Variants in ADAMTS12 observed in about 807,000 individuals in gnomAD.
ADAMTS12 encodes ADAM metallopeptidase with thrombospondin type 1 motif 12.
ADAMTS12 carries 118 observed loss-of-function variants against 167.8 expected under a neutral mutation model. The ratio of observed to expected loss-of-function variants is 0.70; its 90% confidence interval spans 0.61 to 0.82. ADAMTS12 has a LOEUF of 0.82. Among genes scored for constraint, ADAMTS12 ranks in the 40% least tolerant of loss-of-function variants. ADAMTS12 has a pLI of 0.00. For synonymous variants in ADAMTS12, 704 were observed against 716.9 expected, an observed-to-expected ratio of 0.98 and a Z score of 0.29; for missense variants, 1,916 against 1,998.8, an observed-to-expected ratio of 0.96 and a Z score of 0.79.
intron 2 of ADAMTS12, among the ~76,000 whole-genome samples, chr5:33,766,007 T>A (rs1439544828): frequency 1.3e-5 from 2 of 152,184 alleles, no homozygotes; most frequent in African/African-American, 4.8e-5. Flanking sequence ...CTGCCTATAC[T>A]TCTTAAGTCT....
At chr5:33,703,739 G>C (rs1430765133) in intron 3 of ADAMTS12, among the ~76,000 whole-genome samples, 1 of 152,076 alleles carries the variant, frequency 6.6e-6, no homozygotes, top group Non-Finnish European at 1.5e-5. Context: ...CCTTTCCTCA[G>C]TTTTAAGGGT....
chr5:33,559,620 C>T (rs1384415548), intron 20 of ADAMTS12, among the ~76,000 whole-genome samples: 1 of 152,200 alleles, frequency 6.6e-6, no homozygotes, highest in African/African-American at 2.4e-5. Flanking sequence ...GTGGCTTACG[C>T]CTGCAATCTC....
chr5:33,839,461 A>C (rs1287121105), intron 2 of ADAMTS12, among the ~76,000 whole-genome samples: 3 of 152,168 alleles, frequency 2.0e-5, no homozygotes, highest in African/African-American at 7.2e-5. Context: ...ACATCTGTGC[A>C]TTACTAAGTC....
intron 13 of ADAMTS12, 93 bp downstream of exon 13, chr5:33,630,687 G>C: frequency 7.3e-7 from 1 of 1,370,412 alleles, no homozygotes; most frequent in Non-Finnish European, 1.0e-6. Context: ...AGGTGTAAAT[G>C]CTGTGAAAGC....
chr5:33,564,529 A>C (rs1745914426), intron 19 of ADAMTS12, among the ~76,000 whole-genome samples: 1 of 152,138 alleles, frequency 6.6e-6, no homozygotes, highest in Non-Finnish European at 1.5e-5. Flanking sequence ...TTGGAGGATG[A>C]ATTTGGCAGT....
chr5:33,625,875 T>A (rs1428919671), intron 13 of ADAMTS12, among the ~76,000 whole-genome samples: 9 of 152,182 alleles, frequency 5.9e-5, no homozygotes, highest in Admixed American at 5.9e-4. Context: ...CCAGTCCTCC[T>A]TGTTGCATAT....
At chr5:33,803,117 GATAAGGTACAT>G in intron 2 of ADAMTS12, among the ~76,000 whole-genome samples, 1 of 152,256 alleles carries the variant, frequency 6.6e-6, no homozygotes, top group South Asian at 2.1e-4. Flanking sequence ...ACTCATACAT[GATAAGGTACAT>G]GGATCCAGGG....
intron 2 of ADAMTS12, among the ~76,000 whole-genome samples, chr5:33,815,940 C>G (rs1376772925): frequency 6.6e-6 from 1 of 152,192 alleles, no homozygotes; most frequent in Non-Finnish European, 1.5e-5. Flanking sequence ...CCTGTGCTCT[C>G]TCATGGGTCC....
At chr5:33,840,311 C>A (rs1027285095) in intron 2 of ADAMTS12, 2 of 152,214 alleles carry the variant, frequency 1.3e-5, no homozygotes, top group Admixed American at 6.5e-5. Flanking sequence ...TATTCAAATT[C>A]TTTTCTCCTT....
chr5:33,668,230 T>C (rs993125436), intron 5 of ADAMTS12, among the ~76,000 whole-genome samples: 2 of 152,302 alleles, frequency 1.3e-5, no homozygotes, highest in Middle Eastern at 3.4e-3. Flanking sequence ...AATCATCTCA[T>C]ACAAAGCCTA....
intron 3 of ADAMTS12, among the ~76,000 whole-genome samples, chr5:33,701,187 G>C (rs551055159): frequency 6.6e-6 from 1 of 152,278 alleles, no homozygotes; most frequent in South Asian, 2.1e-4. Flanking sequence ...AATACAATTA[G>C]CCTATGAAAG....
At chr5:33,846,924 T>G (rs1748967895) in intron 2 of ADAMTS12, among the ~76,000 whole-genome samples, 2 of 152,232 alleles carry the variant, frequency 1.3e-5, no homozygotes, top group Admixed American at 1.3e-4. Flanking sequence ...GCAATATTGC[T>G]TCTTTCTTCT....
At chr5:33,667,300 A>G (rs1171467924) in intron 5 of ADAMTS12, among the ~76,000 whole-genome samples, 3 of 133,068 alleles carry the variant, frequency 2.3e-5, no homozygotes, top group Non-Finnish European at 4.7e-5. Flanking sequence ...CCTGGGCAAC[A>G]GAGTGAGACT....
At position 33,658,213 on chromosome 5, in the gene ADAMTS12, A is replaced by G; in HGVS notation, c.1161T>C (p.Ala387=). ...GTCCTAGCTCATGGGCAATTGTGAA[A>G]GCCAGAGGGAGTCCCGAATCTTCAT... ...NINEDSGLPL[A]FTIAHELGHS... is the part of the protein sequence containing the mutation. Residue 387 remains alanine, a synonymous_variant, in exon 7 of 24, where the codon GCT becomes GCC. Transcript: ENST00000504830. 6.2e-7 allele frequency: 1 copy of G among 1,613,640 alleles called. No individual in the cohort carries two copies. The highest frequency in any genetic ancestry group is 8.5e-7 in the Non-Finnish European group (1 of 1,179,650).
At chr5:33,738,509 G>A (rs961396614) in intron 3 of ADAMTS12, among the ~76,000 whole-genome samples, 11 of 152,210 alleles carry the variant, frequency 7.2e-5, no homozygotes, top group African/African-American at 2.7e-4. Flanking sequence ...AAGAGCTAAT[G>A]AGAAATGGCT....
intron 7 of ADAMTS12, among the ~76,000 whole-genome samples, chr5:33,655,628 T>TAATTTAATTTAATTTAATTTAATTTA (rs70964409): frequency 4.8e-5 from 7 of 145,700 alleles, no homozygotes; most frequent in South Asian, 4.4e-4. Context: ...TAGTTTTATT[T>TAATTTAATTTAATTTAATTTAATTTA]ATTTAATTTA....
At chr5:33,580,339 G>A (rs1324867924) in intron 18 of ADAMTS12, among the ~76,000 whole-genome samples, 1 of 151,682 alleles carries the variant, frequency 6.6e-6, no homozygotes, top group African/African-American at 2.4e-5. Flanking sequence ...CATGGCGGCA[G>A]GAGAGACAAG....
chr5:33,852,498 G>C (rs754080728), intron 2 of ADAMTS12, among the ~76,000 whole-genome samples: 11 of 152,152 alleles, frequency 7.2e-5, no homozygotes, highest in Non-Finnish European at 1.6e-4. Context: ...TGGGTAAAGG[G>C]AGGAATCAGT....
intron 1 of ADAMTS12, among the ~76,000 whole-genome samples, chr5:33,881,834 A>G (rs1750460518): frequency 6.6e-6 from 1 of 151,576 alleles, no homozygotes; most frequent in Non-Finnish European, 1.5e-5. Flanking sequence ...CTGCCCTTCC[A>G]AAGTGCTAGA....
Sources: gnomAD v4.1 joint callset for allele counts (sites outside exome capture counted in the v4.1 genomes callset) on GRCh38, gnomAD v4.1.1 for gene constraint, MANE v1.5 for transcripts, NCBI Gene and HGNC (gene_info 2026-07-23, HGNC 2026-07-21) for gene names.